The following GALNTL6 variants were observed in gnomAD, a reference collection of about 807,000 sequenced individuals.
The protein encoded by GALNTL6 is polypeptide N-acetylgalactosaminyltransferase like 6.
In GALNTL6, 46 loss-of-function variants were observed where a neutral mutation model predicts 73.7. The observed-to-expected ratio is 0.62, with a 90% CI of 0.49 to 0.80. The LOEUF (loss-of-function observed/expected upper bound fraction) is 0.80. Among genes scored for constraint, GALNTL6 ranks in the 30% least tolerant of loss-of-function variants. The pLI is 0.00. For synonymous variants in GALNTL6, 259 were observed against 263.7 expected (o/e 0.98, Z 0.17); for missense variants, 604 against 755.0 (o/e 0.80, Z 2.34).
chr4:172,441,679 G>A (rs1561084724), intron 5 of GALNTL6, among the ~76,000 whole-genome samples: 1 of 152,104 alleles, frequency 6.6e-6, no homozygotes, highest in East Asian at 1.9e-4. Context: ...AAAAATCCGT[G>A]TTTTAGATAA....
chr4:172,057,728 ATATATATATAT>A (rs1413287190), intron 2 of GALNTL6, among the ~76,000 whole-genome samples: 22 of 62,272 alleles, frequency 3.5e-4, no homozygotes, highest in African/African-American at 1.3e-3. Flanking sequence ...AAAAAAAAAA[ATATATATATAT>A]ATATATATAT....
intron 7 of GALNTL6, among the ~76,000 whole-genome samples, chr4:172,824,018 G>A (rs1029224539): frequency 2.0e-5 from 3 of 152,110 alleles, no homozygotes; most frequent in African/African-American, 7.2e-5. Context: ...ATCCATGCTC[G>A]AGAGCAGGGC....
intron 2 of GALNTL6, among the ~76,000 whole-genome samples, chr4:172,143,133 A>G (rs908840423): frequency 2.0e-5 from 3 of 152,038 alleles, no homozygotes; most frequent in Non-Finnish European, 4.4e-5. Flanking sequence ...AGGGTGCTTT[A>G]TGAGGGTGTC....
Position 172,813,676 on chromosome 4 carries a change from C to G in GALNTL6, c.876C>G (p.Ile292Met), listed in dbSNP as rs1440204236. The change falls in exon 7 of 13, where the codon ATC (isoleucine) becomes ATG (methionine). Residue 292 changes from isoleucine to methionine, a missense_variant. Around this residue, in one of 5 missense-constraint regions of GALNTL6, gnomAD observed 179 missense variants for 230.8 expected, o/e 0.78. Transcript: ENST00000506823. Reference sequence around the variant, plus strand: ...ACTGGGAAATGTACTACAAAAGAATCCCCATCCCTCCAGAGCTCCAGAGGG... The same window carrying G: ...ACTGGGAAATGTACTACAAAAGAATGCCCATCCCTCCAGAGCTCCAGAGGG... ...AFDWEMYYKR[I>M]PIPPELQRAD... 1 of 1,612,610 alleles carries G rather than the reference C, an allele frequency of 6.2e-7. No homozygotes were observed.
At chr4:171,917,709 C>T (rs937159964) in intron 2 of GALNTL6, among the ~76,000 whole-genome samples, 5 of 151,992 alleles carry the variant, frequency 3.3e-5, no homozygotes, top group African/African-American at 1.2e-4. Flanking sequence ...TTTCATATTT[C>T]TAAGTTTACT....
At chr4:172,112,097 T>C (rs531057859) in intron 2 of GALNTL6, among the ~76,000 whole-genome samples, 14 of 152,154 alleles carry the variant, frequency 9.2e-5, no homozygotes, top group Admixed American at 3.3e-4. Flanking sequence ...ACCAATAATC[T>C]TTTAACTGTC....
At chr4:172,924,297 T>C (rs1167502891) in intron 8 of GALNTL6, among the ~76,000 whole-genome samples, 1 of 152,158 alleles carries the variant, frequency 6.6e-6, no homozygotes, top group Non-Finnish European at 1.5e-5. Context: ...AAAACCTTTC[T>C]CCTAAGACTA....
chr4:171,986,685 A>G (rs1740101547), intron 2 of GALNTL6, among the ~76,000 whole-genome samples: 1 of 152,058 alleles, frequency 6.6e-6, no homozygotes, highest in African/African-American at 2.4e-5. Flanking sequence ...TAGAAGAAAC[A>G]TTTATTGTGT....
rs141149315 is a variant in GALNTL6 at position 172,024,594 on chromosome 4, T to C, written c.139-205062T>C. On this transcript the variant is annotated intron_variant, in intron 2 of 12. Transcript: ENST00000506823. Reference sequence around the variant, plus strand: ...TGACAAAAGGAAACTTCTTGGTTTATGTAGATTTTAATCAAATTTGGAGTA... The same window carrying C: ...TGACAAAAGGAAACTTCTTGGTTTACGTAGATTTTAATCAAATTTGGAGTA... Among the ~76,000 whole-genome samples, 38 of 152,064 alleles carry C rather than the reference T, an allele frequency of 2.5e-4. 3 individuals are homozygous for C. In the East Asian group the frequency reaches 7.2e-3, roughly 29 times the overall value.
intron 5 of GALNTL6, among the ~76,000 whole-genome samples, chr4:172,630,958 A>G (rs1427367505): frequency 6.6e-6 from 1 of 151,818 alleles, no homozygotes; most frequent in Non-Finnish European, 1.5e-5. Flanking sequence ...ACTAACAAGT[A>G]GTGGTTACAA....
chr4:172,465,907 T>A (rs1480971774), intron 5 of GALNTL6, among the ~76,000 whole-genome samples: 4 of 152,204 alleles, frequency 2.6e-5, no homozygotes, highest in Admixed American at 2.6e-4. Context: ...TGGCTTTTCT[T>A]CAAAATTATA....
At chr4:172,259,542 T>A (rs185103918) in intron 3 of GALNTL6, among the ~76,000 whole-genome samples, 1 of 151,784 alleles carries the variant, frequency 6.6e-6, no homozygotes, top group African/African-American at 2.4e-5. Flanking sequence ...GTGAATATTT[T>A]CTCCCACTCT....
At chr4:172,094,680 T>C (rs1174316050) in intron 2 of GALNTL6, among the ~76,000 whole-genome samples, 3 of 152,174 alleles carry the variant, frequency 2.0e-5, no homozygotes, top group African/African-American at 7.2e-5. Flanking sequence ...TTTATTTGTA[T>C]AGATTCTTAT....
chr4:172,653,492 A>T (rs1377755631), intron 5 of GALNTL6, among the ~76,000 whole-genome samples: 1 of 152,116 alleles, frequency 6.6e-6, no homozygotes, highest in Non-Finnish European at 1.5e-5. Context: ...AAGTGCTGGG[A>T]TTACAGGCGT....
At chr4:172,102,583 GAGATGTC>G (rs1732549782) in intron 2 of GALNTL6, among the ~76,000 whole-genome samples, 1 of 54,834 alleles carries the variant, frequency 1.8e-5, no homozygotes, top group East Asian at 2.5e-4. Flanking sequence ...TTCAACACCA[GAGATGTC>G]AGAGATGTCA....
At chr4:172,535,791 A>G (rs1735327548) in intron 5 of GALNTL6, among the ~76,000 whole-genome samples, 1 of 152,206 alleles carries the variant, frequency 6.6e-6, no homozygotes, top group African/African-American at 2.4e-5. Context: ...CATCCATGGA[A>G]TATTCATAGA....
intron 2 of GALNTL6, among the ~76,000 whole-genome samples, chr4:171,892,218 T>C (rs1362852434): frequency 6.6e-6 from 1 of 152,182 alleles, no homozygotes; most frequent in Non-Finnish European, 1.5e-5. Context: ...CAAAAAGATC[T>C]GAAATCCAAC....
intron 2 of GALNTL6, among the ~76,000 whole-genome samples, chr4:172,078,909 GA>G (rs905032388): frequency 6.6e-6 from 1 of 151,924 alleles, no homozygotes; most frequent in African/African-American, 2.4e-5. Flanking sequence ...CACATTTATT[GA>G]AAAGATGCCT....
intron 5 of GALNTL6, among the ~76,000 whole-genome samples, chr4:172,501,291 G>A (rs945353527): frequency 6.6e-6 from 1 of 152,024 alleles, no homozygotes; most frequent in Non-Finnish European, 1.5e-5. Context: ...AAATAAAAAG[G>A]CAACATTTTT....
Sources: gnomAD v4.1 joint callset for allele counts (sites outside exome capture counted in the v4.1 genomes callset) on GRCh38, gnomAD v4.1.1 for gene constraint, gnomAD v4.1.1 regional missense constraint, MANE v1.5 for transcripts, NCBI Gene and HGNC (gene_info 2026-07-23, HGNC 2026-07-21) for gene names.